NXPH1: variants seen among roughly 807,000 people sequenced by gnomAD.
The protein encoded by NXPH1 is neurexophilin-1.
A neutral mutation model predicts 23.7 loss-of-function variants in NXPH1; 5 were observed. That is an observed-to-expected ratio of 0.21 (90% confidence interval 0.11 to 0.44). NXPH1 has a LOEUF of 0.44. Ranked by LOEUF, NXPH1 falls within the 20% of genes least tolerant of loss-of-function variation. NXPH1 has a pLI of 0.99. For missense variants in NXPH1, 324 were observed against 321.6 expected (o/e 1.01, Z -0.06); for synonymous variants, 144 against 122.2 (o/e 1.18, Z -1.18).
intron 2 of NXPH1, among the ~76,000 whole-genome samples, chr7:8,540,620 A>C (rs1339007725): frequency 6.6e-6 from 1 of 151,714 alleles, no homozygotes; most frequent in African/African-American, 2.4e-5. Context: ...GAAAGGAGAG[A>C]GCTGCTTTTA....
intron 2 of NXPH1, among the ~76,000 whole-genome samples, chr7:8,685,737 G>T (rs115346845): frequency 0.012 from 1,833 of 151,950 alleles, 29 homozygotes; most frequent in African/African-American, 0.041. Flanking sequence ...TGAACTCATC[G>T]ATATAGAGAG....
chr7:8,457,571 A>T (rs1369542505), intron 2 of NXPH1, among the ~76,000 whole-genome samples: 1 of 151,738 alleles, frequency 6.6e-6, no homozygotes, highest in African/African-American at 2.4e-5. Flanking sequence ...TATTAAAAAA[A>T]AACTTGAAAG....
In NXPH1 at chr7:8,435,709, G is replaced by A. The variant is rs1315168633; in HGVS notation, c.-5G>A. On this transcript the variant is annotated 5_prime_UTR_variant, in exon 2 of 3. Coordinates refer to ENST00000405863, the MANE Select transcript of NXPH1 (RefSeq NM_152745.3). This position sits in a 1 kb window ranked among gnomAD's most constrained non-coding sequence, Gnocchi z 5.9. ...CACCGCCAAGGAAGTTTGAGACGCG[G>A]GAGAATGCAGGCTGCGTGCTGGTAC... 1.2e-6 allele frequency: 2 copies of A among 1,613,930 alleles called. No individual in the cohort carries two copies. The highest frequency in any genetic ancestry group is 1.7e-6 in the Non-Finnish European group (2 of 1,179,836).
intron 2 of NXPH1, among the ~76,000 whole-genome samples, chr7:8,444,311 G>A (rs1816359503): frequency 6.6e-6 from 1 of 152,208 alleles, no homozygotes; most frequent in Non-Finnish European, 1.5e-5. Flanking sequence ...AAGAGCGGTC[G>A]GAAGGTGAGG....
At chr7:8,617,076 A>G (rs2115118586) in intron 2 of NXPH1, among the ~76,000 whole-genome samples, 1 of 152,004 alleles carries the variant, frequency 6.6e-6, no homozygotes, top group South Asian at 2.1e-4. Context: ...ACTTTTTGTC[A>G]TTACAATTGT....
intron 2 of NXPH1, among the ~76,000 whole-genome samples, chr7:8,506,621 A>T (rs994158476): frequency 1.3e-5 from 2 of 152,048 alleles, no homozygotes; most frequent in African/African-American, 4.8e-5. Flanking sequence ...TACAGCAAAT[A>T]AATTTGATTT....
chr7:8,717,267 T>A (rs1779892799), intron 2 of NXPH1, among the ~76,000 whole-genome samples: 1 of 152,164 alleles, frequency 6.6e-6, no homozygotes, highest in South Asian at 2.1e-4. Context: ...AAAAAAAATG[T>A]TGAAAATAAT....
At chr7:8,509,977 C>T (rs1817587396) in intron 2 of NXPH1, among the ~76,000 whole-genome samples, 1 of 152,142 alleles carries the variant, frequency 6.6e-6, no homozygotes, top group African/African-American at 2.4e-5. Flanking sequence ...GTTATAAATA[C>T]TACAGTGAAA....
intron 2 of NXPH1, among the ~76,000 whole-genome samples, chr7:8,468,422 T>G (rs1292344426): frequency 6.6e-6 from 1 of 152,174 alleles, no homozygotes; most frequent in Non-Finnish European, 1.5e-5. Context: ...ATAAAAGCTA[T>G]GCTTGCAACA....
At chr7:8,473,395 T>C (rs1816906498) in intron 2 of NXPH1, among the ~76,000 whole-genome samples, 1 of 152,146 alleles carries the variant, frequency 6.6e-6, no homozygotes, top group African/African-American at 2.4e-5. Context: ...GGTGACTATT[T>C]GTTTGTATTC....
intron 2 of NXPH1, among the ~76,000 whole-genome samples, chr7:8,600,081 A>C (rs1819323199): frequency 6.6e-6 from 1 of 152,066 alleles, no homozygotes; most frequent in Admixed American, 6.6e-5. Flanking sequence ...TTTCTAAGAA[A>C]ATATTTATTT....
intron 2 of NXPH1, among the ~76,000 whole-genome samples, chr7:8,470,098 A>G (rs1584176456): frequency 1.3e-5 from 2 of 152,298 alleles, no homozygotes; most frequent in South Asian, 4.1e-4. Flanking sequence ...CAGCTCAGGT[A>G]TGGTCAAATT....
intron 2 of NXPH1, among the ~76,000 whole-genome samples, chr7:8,483,488 C>A (rs1817107991): frequency 6.6e-6 from 1 of 151,822 alleles, no homozygotes; most frequent in African/African-American, 2.4e-5. Context: ...TTTGTATTTT[C>A]TGTAGAGACT....
At chr7:8,641,515 C>T (rs1387009411) in intron 2 of NXPH1, among the ~76,000 whole-genome samples, 1 of 152,108 alleles carries the variant, frequency 6.6e-6, no homozygotes, top group Non-Finnish European at 1.5e-5. Context: ...AACACTACTC[C>T]ACTCCAATTC....
chr7:8,568,476 T>C (rs1299437522), intron 2 of NXPH1, among the ~76,000 whole-genome samples: 2 of 151,856 alleles, frequency 1.3e-5, no homozygotes, highest in Admixed American at 6.6e-5. Flanking sequence ...ATGTAAACTA[T>C]GTTAATGCAA....
At chr7:8,615,603 A>G (rs1819717103) in intron 2 of NXPH1, among the ~76,000 whole-genome samples, 1 of 152,076 alleles carries the variant, frequency 6.6e-6, no homozygotes. Flanking sequence ...GAATCTGTAA[A>G]ATAACTATTA....
intron 2 of NXPH1, among the ~76,000 whole-genome samples, chr7:8,737,883 G>C (rs1459252195): frequency 1.3e-5 from 2 of 152,058 alleles, no homozygotes; most frequent in Non-Finnish European, 2.9e-5. Context: ...TCATTAAGTT[G>C]ATCTTCAATC....
intron 2 of NXPH1, among the ~76,000 whole-genome samples, chr7:8,448,992 A>AT (rs1816456918): frequency 1.3e-5 from 2 of 152,212 alleles, no homozygotes; most frequent in Non-Finnish European, 1.5e-5. Context: ...TTAAGATGTG[A>AT]TTTTAAATAT....
chr7:8,732,890 A>C (rs1220886361), intron 2 of NXPH1, among the ~76,000 whole-genome samples: 1 of 152,092 alleles, frequency 6.6e-6, no homozygotes, highest in African/African-American at 2.4e-5. Context: ...TTTTTAAAAA[A>C]ATTTTACTTT....
Sources: gnomAD v4.1 joint callset for allele counts (sites outside exome capture counted in the v4.1 genomes callset) on GRCh38, gnomAD v4.1.1 for gene constraint, Gnocchi (gnomAD v3.1) non-coding constraint, MANE v1.5 for transcripts, NCBI Gene and HGNC (gene_info 2026-07-23, HGNC 2026-07-21) for gene names.